Variants in CAMTA1 observed in about 807,000 individuals in gnomAD.
The protein encoded by CAMTA1 is calmodulin-binding transcription activator 1.
A neutral mutation model predicts 170.9 loss-of-function variants in CAMTA1; 27 were observed. The observed-to-expected ratio is 0.16, with a 90% CI of 0.12 to 0.22. CAMTA1 has a LOEUF of 0.22. CAMTA1 is among the 10% of genes least tolerant of loss of function. CAMTA1 has a pLI of 1.00. For synonymous variants in CAMTA1, 833 were observed against 891.5 expected, an observed-to-expected ratio of 0.93 and a Z score of 1.17; for missense variants, 1,619 against 2,217.2, an observed-to-expected ratio of 0.73 and a Z score of 5.42.
intron 3 of CAMTA1, among the ~76,000 whole-genome samples, chr1:7,038,687 A>G (rs899101472): frequency 6.6e-6 from 1 of 152,218 alleles, no homozygotes; most frequent in Non-Finnish European, 1.5e-5. Flanking sequence ...CAGTTTGTTC[A>G]TATTTCTTTT....
At chr1:7,121,075 A>G (rs1644613614) in intron 4 of CAMTA1, among the ~76,000 whole-genome samples, 1 of 152,220 alleles carries the variant, frequency 6.6e-6, no homozygotes, top group African/African-American at 2.4e-5. Flanking sequence ...TGGTGGCCAC[A>G]AATGGAGGAA....
chr1:7,421,247 G>C (rs2091542190), intron 5 of CAMTA1, among the ~76,000 whole-genome samples: 1 of 151,750 alleles, frequency 6.6e-6, no homozygotes, highest in Non-Finnish European at 1.5e-5. Context: ...CCACCTCCTG[G>C]ATTCAAGCAA....
At chr1:7,217,210 G>C (rs1319654952) in intron 4 of CAMTA1, among the ~76,000 whole-genome samples, 2 of 152,094 alleles carry the variant, frequency 1.3e-5, no homozygotes, top group African/African-American at 4.8e-5. Context: ...TTTATAAGGG[G>C]CTTCTCCCCC....
chr1:6,906,380 T>C (rs1024106687), intron 3 of CAMTA1, among the ~76,000 whole-genome samples: 2 of 152,198 alleles, frequency 1.3e-5, no homozygotes, highest in African/African-American at 4.8e-5. Flanking sequence ...GAAAAGGCTC[T>C]GCTTTTCCTT....
intron 6 of CAMTA1, among the ~76,000 whole-genome samples, chr1:7,487,978 C>T (rs2093639846): frequency 6.6e-6 from 1 of 152,188 alleles, no homozygotes; most frequent in Non-Finnish European, 1.5e-5. Context: ...CCCACACAGC[C>T]TCTCAGGAAA....
intron 6 of CAMTA1, among the ~76,000 whole-genome samples, chr1:7,589,600 C>T (rs2095339941): frequency 6.6e-6 from 1 of 152,154 alleles, no homozygotes; most frequent in Non-Finnish European, 1.5e-5. Flanking sequence ...GATATCCTTC[C>T]CTCGACCTCT....
In CAMTA1 at chr1:7,122,360, G is replaced by A. The variant is rs145071368; in HGVS notation, c.302+30989G>A. Among the ~76,000 whole-genome samples, 661 of 152,214 alleles carry A rather than the reference G, an allele frequency of 4.3e-3. 8 individuals carry two copies. Among genetic ancestry groups the A allele is most frequent in the African/African-American group, 0.014 (594 of 41,538 alleles). Reference sequence around the variant, plus strand: ...CCCCACCCCTAAGAGCTCCAGGTCTGGAGGAAGAAATGGAGACAGCTCACG... The same window carrying A: ...CCCCACCCCTAAGAGCTCCAGGTCTAGAGGAAGAAATGGAGACAGCTCACG... On this transcript the variant is annotated intron_variant, in intron 4 of 22. Coordinates refer to ENST00000303635, the MANE Select transcript of CAMTA1 (RefSeq NM_015215.4).
At chr1:7,430,683 G>A (rs1020394353) in intron 5 of CAMTA1, among the ~76,000 whole-genome samples, 3 of 152,120 alleles carry the variant, frequency 2.0e-5, no homozygotes, top group African/African-American at 7.2e-5. Flanking sequence ...GACCAGGGCC[G>A]GGACATAGAA....
chr1:7,704,416 G>A (rs1168288642), intron 11 of CAMTA1, among the ~76,000 whole-genome samples: 1 of 146,130 alleles, frequency 6.8e-6, no homozygotes, highest in Non-Finnish European at 1.5e-5. Context: ...GGGCCGCGCT[G>A]AGCCGGGCGG....
intron 5 of CAMTA1, among the ~76,000 whole-genome samples, chr1:7,291,511 GC>G (rs1435450107): frequency 6.6e-6 from 1 of 152,214 alleles, no homozygotes; most frequent in Non-Finnish European, 1.5e-5. Context: ...CTGTGTGCAC[GC>G]CCCTCATCAC....
chr1:7,298,477 GC>G (rs1167323265), intron 5 of CAMTA1, among the ~76,000 whole-genome samples: 20 of 152,034 alleles, frequency 1.3e-4, no homozygotes, highest in Non-Finnish European at 2.8e-4. Context: ...CCTTAATACT[GC>G]CTGACCTGCC....
intron 6 of CAMTA1, among the ~76,000 whole-genome samples, chr1:7,480,041 A>G (rs2093487869): frequency 6.6e-6 from 1 of 151,180 alleles, no homozygotes; most frequent in Admixed American, 6.6e-5. Context: ...GTGTATGTCC[A>G]TGTGTGAGTC....
At chr1:6,797,488 C>T (rs1642813478) in intron 1 of CAMTA1, among the ~76,000 whole-genome samples, 1 of 151,736 alleles carries the variant, frequency 6.6e-6, no homozygotes, top group Non-Finnish European at 1.5e-5. Context: ...TGTGTTCAAG[C>T]AATTCTCCCA....
At chr1:7,225,604 C>T (rs987439382) in intron 4 of CAMTA1, among the ~76,000 whole-genome samples, 3 of 152,156 alleles carry the variant, frequency 2.0e-5, no homozygotes, top group African/African-American at 7.2e-5. Context: ...AGGCCGGCAC[C>T]CCAGTGCAAT....
chr1:7,215,142 T>C (rs1659528939), intron 4 of CAMTA1, among the ~76,000 whole-genome samples: 1 of 148,352 alleles, frequency 6.7e-6, no homozygotes, highest in Admixed American at 6.8e-5. Flanking sequence ...TTTGATGAAG[T>C]TTAGCTTGTG....
intron 11 of CAMTA1, among the ~76,000 whole-genome samples, chr1:7,690,938 C>A (rs529967648): frequency 6.6e-6 from 1 of 152,238 alleles, no homozygotes; most frequent in South Asian, 2.1e-4. Context: ...CGGTTATTCA[C>A]GACAACCGTC....
intron 6 of CAMTA1, among the ~76,000 whole-genome samples, chr1:7,468,174 G>A (rs186966814): frequency 2.6e-5 from 4 of 152,332 alleles, no homozygotes; most frequent in Admixed American, 6.5e-5. Context: ...CTTCCAAGGC[G>A]CCTCAGTTTT....
intron 3 of CAMTA1, among the ~76,000 whole-genome samples, chr1:6,860,237 T>TGGTG (rs1664154679): frequency 6.6e-6 from 1 of 152,240 alleles, no homozygotes; most frequent in Non-Finnish European, 1.5e-5. Flanking sequence ...GCATGTGTAC[T>TGGTG]TGGTCTTTCC....
chr1:7,180,541 C>T (rs1296586648), intron 4 of CAMTA1, among the ~76,000 whole-genome samples: 18 of 109,564 alleles, frequency 1.6e-4, no homozygotes, highest in Middle Eastern at 7.1e-3. Flanking sequence ...TTTTTGAGAC[C>T]GGGCCCCCCT....
Sources: allele counts gnomAD v4.1 joint callset (sites outside exome capture counted in the v4.1 genomes callset), GRCh38; gene constraint gnomAD v4.1.1; transcripts MANE v1.5; gene names NCBI Gene and HGNC (gene_info 2026-07-23, HGNC 2026-07-21).